SH3GL2: variants seen among roughly 807,000 people sequenced by gnomAD.
The protein encoded by SH3GL2 is SH3 domain containing GRB2 like 2, endophilin A1, also known as endophilin-A1.
SH3GL2 carries 24 observed loss-of-function variants against 46.0 expected under a neutral mutation model. The ratio of observed to expected loss-of-function variants is 0.52; its 90% confidence interval spans 0.38 to 0.73. The LOEUF is 0.73. Among genes scored for constraint, SH3GL2 ranks in the 30% least tolerant of loss-of-function variants. SH3GL2 has a pLI of 0.00. For missense variants in SH3GL2, 413 were observed against 424.2 expected (o/e 0.97, Z 0.23); for synonymous variants, 196 against 147.1 (o/e 1.33, Z -2.40).
At chr9:17,745,698 A>C (rs1822663089) in intron 1 of SH3GL2, among the ~76,000 whole-genome samples, 1 of 152,080 alleles carries the variant, frequency 6.6e-6, no homozygotes, top group Non-Finnish European at 1.5e-5. Flanking sequence ...GTCCCCCAAC[A>C]AGGAGATATC....
intron 1 of SH3GL2, among the ~76,000 whole-genome samples, chr9:17,723,005 A>G (rs950573248): frequency 3.9e-5 from 6 of 152,148 alleles, no homozygotes; most frequent in Admixed American, 3.9e-4. Flanking sequence ...ATTGTAAAAG[A>G]TGACTAGCAC....
At chr9:17,794,620 C>T (rs921621002) in intron 8 of SH3GL2, among the ~76,000 whole-genome samples, 4 of 152,138 alleles carry the variant, frequency 2.6e-5, no homozygotes, top group East Asian at 1.9e-4. Context: ...GTTTCCTTTC[C>T]AGCCACCTAG....
At chr9:17,704,984 A>C (rs576390464) in intron 1 of SH3GL2, among the ~76,000 whole-genome samples, 1 of 152,110 alleles carries the variant, frequency 6.6e-6, no homozygotes, top group African/African-American at 2.4e-5. Context: ...GGGAGAAAAT[A>C]TTTGCAAACT....
chr9:17,731,346 A>G (rs901187547), intron 1 of SH3GL2, among the ~76,000 whole-genome samples: 1 of 151,282 alleles, frequency 6.6e-6, no homozygotes, highest in Non-Finnish European at 1.5e-5. Flanking sequence ...TCGTGAGGGT[A>G]GAACCCTGCT....
intron 1 of SH3GL2, among the ~76,000 whole-genome samples, chr9:17,712,106 A>G (rs7041126): frequency 0.1 from 15,218 of 150,990 alleles, 2,516 homozygotes; most frequent in African/African-American, 0.35. Flanking sequence ...TGCTATTCCT[A>G]TTTTCTTTGA....
At chr9:17,617,461 C>T (rs920306743) in intron 1 of SH3GL2, among the ~76,000 whole-genome samples, 10 of 152,118 alleles carry the variant, frequency 6.6e-5, no homozygotes, top group Non-Finnish European at 8.8e-5. Flanking sequence ...TTGGAAAATG[C>T]AGTGTCCTTG....
chr9:17,710,989 C>T (rs946969263), intron 1 of SH3GL2, among the ~76,000 whole-genome samples: 1 of 151,954 alleles, frequency 6.6e-6, no homozygotes, highest in African/African-American at 2.4e-5. Flanking sequence ...TGTGCACATT[C>T]ATTCTCTGTC....
chr9:17,719,034 G>A (rs1414004952), intron 1 of SH3GL2, among the ~76,000 whole-genome samples: 2 of 152,106 alleles, frequency 1.3e-5, no homozygotes, highest in African/African-American at 2.4e-5. Flanking sequence ...TGTTCTTGAA[G>A]TATCTTCAGT....
intron 1 of SH3GL2, among the ~76,000 whole-genome samples, chr9:17,740,157 C>G (rs1822483646): frequency 6.6e-6 from 1 of 152,048 alleles, no homozygotes. Context: ...AAAATTATCT[C>G]AATTTAGATA....
At chr9:17,685,027 T>A (rs138181479) in intron 1 of SH3GL2, among the ~76,000 whole-genome samples, 1 of 152,270 alleles carries the variant, frequency 6.6e-6, no homozygotes, top group East Asian at 1.9e-4. Context: ...TGTTTAATCC[T>A]AATACATGGT....
rs1192844293 is a variant in SH3GL2, at chr9:17,579,159, G to A, written c.-84G>A. 1.1e-5 allele frequency: 11 copies of A among 1,001,018 alleles called. No homozygotes were observed. Among genetic ancestry groups the A allele is most frequent in the Middle Eastern group, 2.4e-4 (1 of 4,234 alleles). 62.0% of individuals were successfully genotyped at this position (1,001,018 alleles called of 1,614,324 possible). On this transcript the variant is annotated 5_prime_UTR_variant, in exon 1 of 9. Coordinates refer to ENST00000380607, the MANE Select transcript of SH3GL2 (RefSeq NM_003026.5). Reference sequence around the variant, plus strand: ...GGCGGCACGACCAGAGGCGGCCAGGGGAGCGCGCCGCCCCGCTCGGCCCTC... The same window carrying A: ...GGCGGCACGACCAGAGGCGGCCAGGAGAGCGCGCCGCCCCGCTCGGCCCTC...
At chr9:17,601,581 A>C (rs191164595) in intron 1 of SH3GL2, among the ~76,000 whole-genome samples, 6 of 152,226 alleles carry the variant, frequency 3.9e-5, no homozygotes, top group African/African-American at 1.4e-4. Context: ...AAATCAAATC[A>C]TCTTCCCATG....
intron 1 of SH3GL2, among the ~76,000 whole-genome samples, chr9:17,587,902 A>G (rs1266178932): frequency 2.0e-5 from 3 of 151,804 alleles, no homozygotes; most frequent in African/African-American, 7.3e-5. Context: ...CAAAAACCAA[A>G]AAAAAAAAAC....
intron 1 of SH3GL2, among the ~76,000 whole-genome samples, chr9:17,659,531 A>G (rs1161297614): frequency 1.3e-5 from 2 of 152,136 alleles, no homozygotes; most frequent in Non-Finnish European, 2.9e-5. Context: ...AGACTAGGAA[A>G]ATAGTTAAAC....
rs945294243 is a variant in SH3GL2, at chr9:17,735,756, G to A, written c.46-11310G>A. 7.1e-6 allele frequency: 7 copies of A among 981,198 alleles called. No individual in the cohort carries two copies. In the East Asian group the frequency reaches 4.6e-4, roughly 64 times the overall value. The allele number at this position is 981,198 out of a possible 1,614,324, so 60.8% of individuals were successfully genotyped here. ...CAGTAGGAAATGGGAAGATAAAGCT[G>A]GCAGCTCTTTCCACACATGGAAAGC... is the stretch of plus-strand genomic sequence containing the variant. On this transcript the variant is annotated intron_variant, in intron 1 of 8. Coordinates refer to ENST00000380607, the MANE Select transcript of SH3GL2 (RefSeq NM_003026.5).
At chr9:17,601,710 C>G (rs1818676545) in intron 1 of SH3GL2, among the ~76,000 whole-genome samples, 1 of 152,088 alleles carries the variant, frequency 6.6e-6, no homozygotes. Context: ...TTTTCAAGTT[C>G]TCTGGAATGC....
intron 3 of SH3GL2, among the ~76,000 whole-genome samples, chr9:17,771,527 T>C (rs1823481368): frequency 6.6e-6 from 1 of 152,216 alleles, no homozygotes; most frequent in Non-Finnish European, 1.5e-5. Flanking sequence ...ACCCTCTATT[T>C]GCTCTGAAAA....
intron 1 of SH3GL2, among the ~76,000 whole-genome samples, chr9:17,606,791 A>G (rs1178087099): frequency 1.3e-5 from 2 of 152,196 alleles, no homozygotes; most frequent in Middle Eastern, 3.2e-3. Context: ...GCTGAAAACT[A>G]CCACAACCAA....
intron 2 of SH3GL2, 122 bp from the exon 3 acceptor site, chr9:17,761,315 C>G (rs1823164297): frequency 1.5e-6 from 1 of 688,818 alleles, no homozygotes; most frequent in Non-Finnish European, 2.7e-6. Flanking sequence ...CCTCCCTCAC[C>G]TACTGCGGGA....
Sources: gnomAD v4.1 joint callset for allele counts (sites outside exome capture counted in the v4.1 genomes callset) on GRCh38, gnomAD v4.1.1 for gene constraint, MANE v1.5 for transcripts, NCBI Gene and HGNC (gene_info 2026-07-23, HGNC 2026-07-21) for gene names.